The following SDK1 variants were observed in gnomAD, a reference collection of about 807,000 sequenced individuals.
SDK1 encodes the protein protein sidekick-1.
A neutral mutation model predicts 245.5 loss-of-function variants in SDK1; 157 were observed. The ratio of observed to expected loss-of-function variants is 0.64; its 90% CI spans 0.56 to 0.73. SDK1 has a LOEUF of 0.73. Ranked by LOEUF, SDK1 falls within the 30% of genes least tolerant of loss-of-function variation. The probability of loss-of-function intolerance (pLI) is 0.00; values close to 1 mark genes in which losing one functional copy is unlikely to be tolerated. For missense variants in SDK1, 3,583 were observed against 3,002.3 expected (o/e 1.19, Z -4.52); for synonymous variants, 1,647 against 1,278.5 (o/e 1.29, Z -6.15).
intron 1 of SDK1, among the ~76,000 whole-genome samples, chr7:3,570,718 A>T (rs182065985): frequency 3.3e-5 from 5 of 152,322 alleles, no homozygotes; most frequent in Non-Finnish European, 7.3e-5. Flanking sequence ...TCACGTAACG[A>T]GGCCTGTGAG....
At chr7:3,757,413 T>C (rs1041200805) in intron 4 of SDK1, among the ~76,000 whole-genome samples, 11 of 152,104 alleles carry the variant, frequency 7.2e-5, no homozygotes, top group Non-Finnish European at 1.6e-4. Flanking sequence ...TTAAAATTAT[T>C]TTTAATAGAG....
intron 28 of SDK1, among the ~76,000 whole-genome samples, chr7:4,139,942 C>T (rs1779461765): frequency 6.6e-6 from 1 of 152,066 alleles, no homozygotes; most frequent in Non-Finnish European, 1.5e-5. Context: ...GGGCCCCAGG[C>T]CTCCCTGAAC....
rs150773132 is a variant in SDK1 at position 3,785,773 on chromosome 7, G to C, written c.714-35677G>C. Reference sequence around the variant, plus strand: ...AGATTGTGAGTGTGAGGAAAGAGGAGACAGCCTCTTAAAAAGGTCCCAAGC... The same window carrying C: ...AGATTGTGAGTGTGAGGAAAGAGGACACAGCCTCTTAAAAAGGTCCCAAGC... On this transcript the variant is annotated intron_variant, in intron 4 of 44. Transcript: ENST00000404826. Among the ~76,000 whole-genome samples the C allele has an allele frequency of 1.8e-3, 268 of 152,254 alleles. 1 individual carries two copies. The highest frequency in any genetic ancestry group is 6.3e-3 in the African/African-American group (261 of 41,556).
At chr7:4,184,537 G>A (rs1171930468) in intron 35 of SDK1, among the ~76,000 whole-genome samples, 1 of 152,240 alleles carries the variant, frequency 6.6e-6, no homozygotes, top group Non-Finnish European at 1.5e-5. Flanking sequence ...GGGTGAGTGA[G>A]TCGGTTTGTC....
chr7:3,816,682 A>C (rs532967906), intron 4 of SDK1, among the ~76,000 whole-genome samples: 1 of 152,206 alleles, frequency 6.6e-6, no homozygotes, highest in African/African-American at 2.4e-5. Flanking sequence ...GAGGAATTGA[A>C]AGCAATTTTA....
chr7:4,088,658 G>T (rs1404666977), intron 22 of SDK1, among the ~76,000 whole-genome samples: 3 of 152,076 alleles, frequency 2.0e-5, no homozygotes, highest in Non-Finnish European at 2.9e-5. Flanking sequence ...TGGTAAGGTG[G>T]TTCACACTGC....
At chr7:4,206,182 A>G (rs1784213240) in intron 36 of SDK1, among the ~76,000 whole-genome samples, 188 bp downstream of exon 36, 1 of 152,240 alleles carries the variant, frequency 6.6e-6, no homozygotes, top group Non-Finnish European at 1.5e-5. Flanking sequence ...GGTGGGAGGC[A>G]GCACAGGGGC....
intron 5 of SDK1, among the ~76,000 whole-genome samples, chr7:3,884,900 A>G (rs1475262254): frequency 1.3e-5 from 2 of 152,148 alleles, no homozygotes; most frequent in African/African-American, 4.8e-5. Context: ...AAGGCCTGGG[A>G]CTAGGGGAGG....
At chr7:3,953,177 A>AG (rs1780970738) in intron 7 of SDK1, among the ~76,000 whole-genome samples, 1 of 152,042 alleles carries the variant, frequency 6.6e-6, no homozygotes, top group Admixed American at 6.6e-5. Flanking sequence ...AAGGAAAAAA[A>AG]AAAAAAAGCT....
chr7:3,614,595 C>T (rs375212516), intron 1 of SDK1, among the ~76,000 whole-genome samples: 1 of 152,102 alleles, frequency 6.6e-6, no homozygotes, highest in African/African-American at 2.4e-5. Context: ...AATACTGATC[C>T]TTCTTTCTCC....
intron 1 of SDK1, among the ~76,000 whole-genome samples, chr7:3,590,288 C>A (rs567657164): frequency 7.2e-6 from 1 of 138,526 alleles, no homozygotes; most frequent in South Asian, 2.4e-4. Flanking sequence ...ACTTTCACCT[C>A]CTTTCCTGTT....
chr7:3,376,171 C>G (rs190599034), intron 1 of SDK1, among the ~76,000 whole-genome samples: 1 of 151,832 alleles, frequency 6.6e-6, no homozygotes, highest in East Asian at 1.9e-4. Flanking sequence ...CACTCCAGCC[C>G]GGGTGACAGA....
At chr7:3,571,053 A>C (rs1342521989) in intron 1 of SDK1, among the ~76,000 whole-genome samples, 2 of 152,052 alleles carry the variant, frequency 1.3e-5, no homozygotes. Context: ...TACTTAATGA[A>C]ATTCGGATCT....
At chr7:3,821,190 C>T (rs1779636719) in intron 4 of SDK1, among the ~76,000 whole-genome samples, 1 of 152,170 alleles carries the variant, frequency 6.6e-6, no homozygotes, top group African/African-American at 2.4e-5. Context: ...AGAACATTGT[C>T]TTCTTCACAG....
chr7:4,122,755 A>G (rs1262311915), intron 25 of SDK1, among the ~76,000 whole-genome samples: 2 of 152,226 alleles, frequency 1.3e-5, no homozygotes, highest in Admixed American at 1.3e-4. Context: ...TTTTAATGAA[A>G]GGGGAATTCC....
intron 1 of SDK1, among the ~76,000 whole-genome samples, chr7:3,453,815 G>C (rs1583880580): frequency 6.6e-6 from 1 of 151,940 alleles, no homozygotes; most frequent in Admixed American, 6.6e-5. Context: ...GATCCTCCTG[G>C]ACTCAAATGA....
chr7:3,320,897 TAA>T (rs58056812), intron 1 of SDK1, among the ~76,000 whole-genome samples: 28,544 of 150,626 alleles, frequency 0.19, 2,693 homozygotes, highest in African/African-American at 0.23. Context: ...AAATGTGGGT[TAA>T]AAAAAAAATC....
chr7:3,826,701 C>T (rs1583454284), intron 5 of SDK1, among the ~76,000 whole-genome samples: 2 of 152,340 alleles, frequency 1.3e-5, no homozygotes, highest in East Asian at 1.9e-4. Flanking sequence ...TGAGAATTTT[C>T]AGACCCTTCC....
intron 1 of SDK1, among the ~76,000 whole-genome samples, chr7:3,331,885 T>A (rs1472303679): frequency 6.6e-6 from 1 of 152,218 alleles, no homozygotes; most frequent in Non-Finnish European, 1.5e-5. Context: ...AAAATTTAAG[T>A]TTTACAATAA....
Sources: gnomAD v4.1 joint callset for allele counts (sites outside exome capture counted in the v4.1 genomes callset) on GRCh38, gnomAD v4.1.1 for gene constraint, MANE v1.5 for transcripts, NCBI Gene and HGNC (gene_info 2026-07-23, HGNC 2026-07-21) for gene names.